Variants in FBXO34 observed in about 807,000 individuals in gnomAD.
FBXO34 encodes F-box protein 34.
FBXO34 carries 12 observed loss-of-function variants against 24.5 expected under a neutral mutation model. That is an observed-to-expected ratio of 0.49 (90% CI 0.31 to 0.79). The LOEUF (loss-of-function observed/expected upper bound fraction) is 0.79. Among genes scored for constraint, FBXO34 ranks in the 30% least tolerant of loss-of-function variants. The pLI is 0.04. For missense variants in FBXO34, 823 were observed against 857.7 expected (o/e 0.96, Z 0.51); for synonymous variants, 320 against 311.9 (o/e 1.03, Z -0.27).
chr14:55,352,200 T>C lies in FBXO34; in HGVS notation c.1810T>C (p.Tyr604His), dbSNP rs756077791. ...SLVALKCTCC[Y>H]FKFIIEYYNI... ...AGTGGCCCTTAAATGTACCTGCTGCTATTTCAAGTTTATCATTGAGTACTA... is the reference window on the plus strand; with the variant it reads ...AGTGGCCCTTAAATGTACCTGCTGCCATTTCAAGTTTATCATTGAGTACTA... Residue 604 changes from tyrosine to histidine, a missense_variant, in exon 2 of 2, where the codon TAT (tyrosine) becomes CAT (histidine). This residue lies in a region of FBXO34 where 130 missense variants were observed against 198.6 expected (regional missense o/e 0.65). Coordinates refer to ENST00000313833, the MANE Select transcript of FBXO34 (RefSeq NM_017943.4). 5.4e-5 allele frequency: 87 copies of C among 1,614,044 alleles called. No homozygotes were observed. Among genetic ancestry groups the C allele is most frequent in the Non-Finnish European group, 7.2e-5 (85 of 1,180,034 alleles).
At chr14:55,414,220 G>C in the FBXO34 span, 1 of 593,118 alleles carries the variant, frequency 1.7e-6, no homozygotes, top group Non-Finnish European at 3.0e-6. Flanking sequence ...TTTTGAATAA[G>C]AATTTTTCTT....
At chr14:55,371,810 C>A (rs943734009), downstream of FBXO34, among the ~76,000 whole-genome samples, 96 of 150,690 alleles carry the variant, frequency 6.4e-4, 1 homozygote, top group East Asian at 4.1e-3. Flanking sequence ...TCTCAAAAAA[C>A]AAACAAAAAA....
the FBXO34 span, chr14:55,411,868 C>T: frequency 7.2e-6 from 11 of 1,518,402 alleles, no homozygotes; most frequent in Non-Finnish European, 8.9e-6. Context: ...TGTTTTCAAC[C>T]GGGTGCATTC....
chr14:55,414,089 C>T, the FBXO34 span: 19 of 560,670 alleles, frequency 3.4e-5, no homozygotes, highest in African/African-American at 7.4e-5. Flanking sequence ...ATGGCCCTTC[C>T]GGCTAAAAGG....
At chr14:55,383,623 G>A in the FBXO34 span, among the ~76,000 whole-genome samples, 1 of 151,500 alleles carries the variant, frequency 6.6e-6, no homozygotes, top group East Asian at 1.9e-4. Flanking sequence ...AAAATAACAA[G>A]CCCATCATGA....
At chr14:55,394,815 G>A in the FBXO34 span, 1 of 295,160 alleles carries the variant, frequency 3.4e-6, no homozygotes, top group Non-Finnish European at 6.6e-6. Flanking sequence ...GGTATTATAG[G>A]ATATAAAAAC....
intron 1 of FBXO34, among the ~76,000 whole-genome samples, chr14:55,295,174 C>T (rs1467164890): frequency 6.6e-6 from 1 of 152,124 alleles, no homozygotes; most frequent in Non-Finnish European, 1.5e-5. Flanking sequence ...TGGGAACCTT[C>T]TGTAATGGAA....
the FBXO34 span, among the ~76,000 whole-genome samples, chr14:55,441,534 C>A: frequency 6.6e-6 from 1 of 152,106 alleles, no homozygotes; most frequent in Admixed American, 6.6e-5. Context: ...TTTACATTAT[C>A]ATTACTTCTC....
intron 1 of FBXO34, among the ~76,000 whole-genome samples, chr14:55,279,284 CAA>C (rs397767008): frequency 4.0e-4 from 47 of 118,196 alleles, no homozygotes; most frequent in Non-Finnish European, 5.1e-4. Flanking sequence ...GAGACTCCGT[CAA>C]AAAAAAAAAA....
intron 1 of FBXO34, among the ~76,000 whole-genome samples, chr14:55,302,453 G>GTT (rs796083398): frequency 2.1e-4 from 28 of 133,462 alleles, no homozygotes; most frequent in South Asian, 9.4e-4. Context: ...CCTCTTTTTT[G>GTT]TTTTTTTTTT....
chr14:55,414,247 T>TA, the FBXO34 span: 1 of 680,282 alleles, frequency 1.5e-6, no homozygotes, highest in Admixed American at 2.9e-5. Context: ...TTAGGTTACT[T>TA]ACACAGAGTC....
intron 1 of FBXO34, among the ~76,000 whole-genome samples, chr14:55,319,713 G>A (rs1313022931): frequency 6.6e-6 from 1 of 152,126 alleles, no homozygotes; most frequent in East Asian, 1.9e-4. Flanking sequence ...GTCTGGCTCT[G>A]TCGCCAGGCT....
the FBXO34 span, among the ~76,000 whole-genome samples, chr14:55,402,927 ATATATATATATATATATATAT>A: frequency 3.4e-4 from 3 of 8,928 alleles, no homozygotes; most frequent in African/African-American, 2.0e-3. Context: ...AAAAAAAAAA[ATATATATATATATATATATAT>A]ATATATATAT....
chr14:55,435,861 C>A, the FBXO34 span: 3 of 1,567,904 alleles, frequency 1.9e-6, no homozygotes, highest in Non-Finnish European at 2.6e-6. Context: ...GGGTTATATT[C>A]TGCATTTTTT....
intron 3 of FBXO34, chr14:55,361,617 A>G (rs1472332032): frequency 6.6e-6 from 1 of 152,226 alleles, no homozygotes; most frequent in Non-Finnish European, 1.5e-5. Flanking sequence ...TTCTTCCAAT[A>G]GGATGCTGTT....
intron 1 of FBXO34, among the ~76,000 whole-genome samples, chr14:55,316,434 A>T (rs1294133541): frequency 1.3e-5 from 2 of 151,990 alleles, no homozygotes; most frequent in Non-Finnish European, 2.9e-5. Context: ...AAAAATAAAA[A>T]AAAAAAAATT....
At chr14:55,391,740 T>G in the FBXO34 span, among the ~76,000 whole-genome samples, 1 of 152,134 alleles carries the variant, frequency 6.6e-6, no homozygotes, top group Admixed American at 6.5e-5. Flanking sequence ...GATACAGAAC[T>G]CAAGCATCAT....
At chr14:55,276,824 C>G (rs1881361797) in intron 1 of FBXO34, among the ~76,000 whole-genome samples, 1 of 152,170 alleles carries the variant, frequency 6.6e-6, no homozygotes, top group African/African-American at 2.4e-5. Context: ...TAGCTTCCCA[C>G]AGTATCTTAT....
intron 1 of FBXO34, among the ~76,000 whole-genome samples, chr14:55,292,246 G>C (rs1469434422): frequency 6.6e-6 from 1 of 152,104 alleles, no homozygotes. Context: ...TTTTTAAATA[G>C]AATGTTAAGT....
Sources: allele counts gnomAD v4.1 joint callset (sites outside exome capture counted in the v4.1 genomes callset), GRCh38; gene constraint gnomAD v4.1.1; regional missense constraint gnomAD v4.1.1; transcripts MANE v1.5; gene names NCBI Gene and HGNC (gene_info 2026-07-23, HGNC 2026-07-21).